The following SLC24A3 variants were observed in gnomAD, a reference collection of about 807,000 sequenced individuals.
The protein encoded by SLC24A3 is sodium/potassium/calcium exchanger 3.
In SLC24A3, 28 loss-of-function variants were observed where a neutral mutation model predicts 75.8. The ratio of observed to expected loss-of-function variants is 0.37; its 90% confidence interval spans 0.27 to 0.51. SLC24A3 has a LOEUF of 0.51. SLC24A3 is among the 20% of genes least tolerant of loss of function. The pLI, the probability that SLC24A3 is intolerant of heterozygous loss-of-function variation, is 0.94. For synonymous variants in SLC24A3, 372 were observed against 334.1 expected, an observed-to-expected ratio of 1.11 and a Z score of -1.24; for missense variants, 663 against 847.8, an observed-to-expected ratio of 0.78 and a Z score of 2.71.
chr20:19,543,822 C>A (rs191926307), intron 3 of SLC24A3, among the ~76,000 whole-genome samples: 2 of 152,196 alleles, frequency 1.3e-5, no homozygotes, highest in African/African-American at 2.4e-5. Context: ...ACACAAGAAT[C>A]CAGTCCTGCC....
At chr20:19,353,504 C>CT in intron 2 of SLC24A3, among the ~76,000 whole-genome samples, 1 of 152,146 alleles carries the variant, frequency 6.6e-6, no homozygotes, top group East Asian at 1.9e-4. Flanking sequence ...GTTTGCTCAT[C>CT]TTTTTTCAAT....
chr20:19,267,186 C>T (rs1437227251), intron 1 of SLC24A3, among the ~76,000 whole-genome samples: 1 of 152,036 alleles, frequency 6.6e-6, no homozygotes, highest in African/African-American at 2.4e-5. Flanking sequence ...ATATATTTAA[C>T]CATTTTGAAA....
chr20:19,256,085 C>T (rs779805473), intron 1 of SLC24A3, among the ~76,000 whole-genome samples: 8 of 151,188 alleles, frequency 5.3e-5, no homozygotes, highest in East Asian at 1.9e-4. Flanking sequence ...CGTGATCGAA[C>T]GAGACCCTGT....
intron 3 of SLC24A3, among the ~76,000 whole-genome samples, chr20:19,532,265 C>T (rs1189519777): frequency 6.6e-6 from 1 of 152,250 alleles, no homozygotes; most frequent in Non-Finnish European, 1.5e-5. Context: ...CAGCCAGCCT[C>T]AAGTCAAGCA....
intron 2 of SLC24A3, among the ~76,000 whole-genome samples, chr20:19,297,293 C>T (rs538749568): frequency 4.6e-5 from 7 of 152,258 alleles, no homozygotes; most frequent in South Asian, 4.1e-4. Flanking sequence ...TACGTTTATA[C>T]GCATGATGTG....
chr20:19,344,431 AAGACTCTG>A, intron 2 of SLC24A3, among the ~76,000 whole-genome samples: 1 of 152,192 alleles, frequency 6.6e-6, no homozygotes, highest in Non-Finnish European at 1.5e-5. Flanking sequence ...TCCCAAAGAA[AAGACTCTG>A]AGACTAGCAT....
chr20:19,539,325 G>A (rs1392703792), intron 3 of SLC24A3, among the ~76,000 whole-genome samples: 1 of 152,084 alleles, frequency 6.6e-6, no homozygotes, highest in Non-Finnish European at 1.5e-5. Flanking sequence ...CCCACCTCTG[G>A]GCAGCAGCTG....
chr20:19,469,599 G>A (rs763767960), intron 2 of SLC24A3, among the ~76,000 whole-genome samples: 1 of 152,156 alleles, frequency 6.6e-6, no homozygotes, highest in African/African-American at 2.4e-5. Context: ...AGTGACCTGA[G>A]GACCAGTCCA....
intron 2 of SLC24A3, among the ~76,000 whole-genome samples, chr20:19,467,649 G>C (rs558891404): frequency 1.3e-5 from 2 of 152,264 alleles, no homozygotes; most frequent in African/African-American, 4.8e-5. Flanking sequence ...GAGAGCCCGA[G>C]GAGTGTGGAT....
At chr20:19,644,120 G>C (rs2032106938) in intron 6 of SLC24A3, among the ~76,000 whole-genome samples, 1 of 152,104 alleles carries the variant, frequency 6.6e-6, no homozygotes, top group Non-Finnish European at 1.5e-5. Flanking sequence ...CCAAACAAGT[G>C]GTGCTTCTAA....
At chr20:19,255,484 T>C (rs180910754) in intron 1 of SLC24A3, among the ~76,000 whole-genome samples, 1 of 152,362 alleles carries the variant, frequency 6.6e-6, no homozygotes, top group African/African-American at 2.4e-5. Flanking sequence ...TTTCCATCTT[T>C]GTCCTCTCCA....
At chr20:19,293,965 C>T (rs1036602285) in intron 2 of SLC24A3, among the ~76,000 whole-genome samples, 5 of 152,136 alleles carry the variant, frequency 3.3e-5, no homozygotes, top group Non-Finnish European at 5.9e-5. Flanking sequence ...CCTCAAGTCC[C>T]TGATATAAAA....
chr20:19,586,334 C>G (rs543352013), intron 6 of SLC24A3, among the ~76,000 whole-genome samples: 13 of 152,240 alleles, frequency 8.5e-5, no homozygotes, highest in African/African-American at 3.1e-4. Context: ...AGATCTCTGC[C>G]CAAATACCCA....
At chr20:19,567,507 G>A (rs2030978183) in intron 3 of SLC24A3, among the ~76,000 whole-genome samples, 2 of 152,186 alleles carry the variant, frequency 1.3e-5, no homozygotes. Flanking sequence ...ACCTACTTGA[G>A]GGTAGGGGTG....
chr20:19,538,711 G>A (rs2030444635), intron 3 of SLC24A3, among the ~76,000 whole-genome samples: 1 of 152,140 alleles, frequency 6.6e-6, no homozygotes. Flanking sequence ...AAACTGCTTG[G>A]CACTAAGTAG....
intron 2 of SLC24A3, among the ~76,000 whole-genome samples, chr20:19,364,718 A>G (rs112628064): frequency 0.072 from 10,964 of 152,094 alleles, 1,259 homozygotes; most frequent in African/African-American, 0.25. Context: ...GTCTCCCAAC[A>G]TGCTGGGATT....
chr20:19,681,723 A>C, intron 9 of SLC24A3, 135 bp from the exon 10 acceptor site: 3 of 1,398,218 alleles, frequency 2.1e-6, no homozygotes, highest in South Asian at 2.5e-5. Context: ...GGTTGAGAAA[A>C]TTAGAACACT....
intron 15 of SLC24A3, among the ~76,000 whole-genome samples, chr20:19,711,300 C>CTT (rs1555808725): frequency 6.6e-6 from 1 of 150,698 alleles, no homozygotes; most frequent in African/African-American, 2.4e-5. Flanking sequence ...CACGCACACA[C>CTT]ATGCACACAT....
chr20:19,510,023 A>C (rs1000856840), intron 2 of SLC24A3, among the ~76,000 whole-genome samples: 3 of 152,250 alleles, frequency 2.0e-5, no homozygotes, highest in Non-Finnish European at 4.4e-5. Flanking sequence ...GCAACGAGTG[A>C]AATAACAATG....
Sources: gnomAD v4.1 joint callset for allele counts (sites outside exome capture counted in the v4.1 genomes callset) on GRCh38, gnomAD v4.1.1 for gene constraint, MANE v1.5 for transcripts, NCBI Gene and HGNC (gene_info 2026-07-23, HGNC 2026-07-21) for gene names.